ASTN1: variants seen among roughly 807,000 people sequenced by gnomAD.
ASTN1 encodes astrotactin-1.
A neutral mutation model predicts 140.7 loss-of-function variants in ASTN1; 41 were observed. The ratio of observed to expected loss-of-function variants is 0.29; its 90% CI spans 0.23 to 0.38. The LOEUF (loss-of-function observed/expected upper bound fraction) is 0.38, where lower values mean the gene tolerates loss of function less well. Ranked by LOEUF, ASTN1 falls within the 10% of genes least tolerant of loss-of-function variation. ASTN1 has a pLI of 1.00. For synonymous variants in ASTN1, 640 were observed against 652.2 expected (o/e 0.98, Z 0.29); for missense variants, 1,479 against 1,678.8 (o/e 0.88, Z 2.08).
chr1:177,021,266 A>C (rs228022), intron 7 of ASTN1, among the ~76,000 whole-genome samples: 2 of 152,222 alleles, frequency 1.3e-5, no homozygotes, highest in Non-Finnish European at 2.9e-5. Context: ...TCTTTCCAAT[A>C]GGAAATTCAT....
intron 14 of ASTN1, among the ~76,000 whole-genome samples, chr1:176,938,055 A>G (rs1671523012): frequency 6.6e-6 from 1 of 152,238 alleles, no homozygotes; most frequent in African/African-American, 2.4e-5. Flanking sequence ...CTTAAATTTT[A>G]TCTTAGGCAA....
At chr1:176,929,121 T>G (rs1571523843) in intron 16 of ASTN1, among the ~76,000 whole-genome samples, 1 of 151,932 alleles carries the variant, frequency 6.6e-6, no homozygotes, top group Admixed American at 6.6e-5. Context: ...GTACTTGGGG[T>G]AGGTAGCAGT....
At chr1:177,124,312 G>T (rs1475730917) in intron 1 of ASTN1, among the ~76,000 whole-genome samples, 1 of 152,180 alleles carries the variant, frequency 6.6e-6, no homozygotes, top group Non-Finnish European at 1.5e-5. Flanking sequence ...GCATCTGGAA[G>T]ATAATGAAAC....
intron 1 of ASTN1, among the ~76,000 whole-genome samples, chr1:177,148,290 C>A (rs1682810369): frequency 6.6e-6 from 1 of 151,916 alleles, no homozygotes; most frequent in African/African-American, 2.4e-5. Flanking sequence ...TGGTGGCGGG[C>A]ACCTGTAGTC....
Position 176,863,843 on chromosome 1 carries a change from G to A in ASTN1, c.*441C>T, listed in dbSNP as rs997853526. 1.0e-6 allele frequency: 1 copy of A among 997,632 alleles called. No homozygotes were observed. The highest frequency in any genetic ancestry group is 1.7e-5 in the African/African-American group (1 of 57,384). The allele number at this position is 997,632 out of a possible 1,614,324, so 61.8% of individuals were successfully genotyped here. A position where few individuals can be genotyped will look rare whatever the true frequency, so the allele number is the denominator to read the frequency against. On this transcript the variant is annotated 3_prime_UTR_variant, in exon 23 of 23. Transcript: ENST00000361833. ...GCTTCCTGAGGAATGCTTGAGGGTG[G>A]GGCCTGCGGCAGGCCTAACAACTTT...
intron 1 of ASTN1, among the ~76,000 whole-genome samples, chr1:177,162,578 C>T (rs1304386140): frequency 6.6e-6 from 1 of 152,204 alleles, no homozygotes; most frequent in African/African-American, 2.4e-5. Context: ...GCATTAGGCC[C>T]TGGTTTTGGG....
intron 8 of ASTN1, among the ~76,000 whole-genome samples, chr1:176,991,413 C>CAAAAAAAAAAA (rs1200261285): frequency 9.1e-6 from 1 of 109,540 alleles, no homozygotes; most frequent in African/African-American, 3.3e-5. Context: ...AACTCTGTCT[C>CAAAAAAAAAAA]AAAAAAAAAA....
intron 20 of ASTN1, among the ~76,000 whole-genome samples, chr1:176,881,709 G>A (rs541376344): frequency 6.6e-6 from 1 of 152,228 alleles, no homozygotes; most frequent in South Asian, 2.1e-4. Flanking sequence ...ATATACTGTC[G>A]AAATCCTCTA....
At chr1:176,975,431 G>A (rs1397190019) in intron 8 of ASTN1, among the ~76,000 whole-genome samples, 5 of 152,222 alleles carry the variant, frequency 3.3e-5, no homozygotes, top group Non-Finnish European at 5.9e-5. Flanking sequence ...TCCCCATCAT[G>A]GGCATAAAGC....
At chr1:176,926,411 A>C (rs1054520336) in intron 16 of ASTN1, among the ~76,000 whole-genome samples, 1 of 152,166 alleles carries the variant, frequency 6.6e-6, no homozygotes, top group Non-Finnish European at 1.5e-5. Flanking sequence ...GAGAAGACTC[A>C]AATTAAATCC....
intron 14 of ASTN1, among the ~76,000 whole-genome samples, chr1:176,939,219 T>C (rs1671581214): frequency 6.6e-6 from 1 of 152,194 alleles, no homozygotes; most frequent in African/African-American, 2.4e-5. Flanking sequence ...CTCTCTCTCA[T>C]CATACCTAAC....
chr1:176,941,140 T>C (rs1183978291), intron 14 of ASTN1, among the ~76,000 whole-genome samples: 1 of 152,172 alleles, frequency 6.6e-6, no homozygotes, highest in East Asian at 1.9e-4. Flanking sequence ...GTAGATACAG[T>C]GAAATGATAT....
intron 20 of ASTN1, among the ~76,000 whole-genome samples, chr1:176,881,852 T>C (rs1668812933): frequency 1.3e-5 from 2 of 152,238 alleles, no homozygotes; most frequent in South Asian, 2.1e-4. Flanking sequence ...AAATTTCTAG[T>C]GCTTTTCATC....
At chr1:177,115,864 C>A (rs1188070466) in intron 1 of ASTN1, among the ~76,000 whole-genome samples, 4 of 152,074 alleles carry the variant, frequency 2.6e-5, no homozygotes, top group African/African-American at 9.7e-5. Flanking sequence ...TGTATCTACA[C>A]ACGCAACATT....
rs577884505 is a variant in ASTN1, at chr1:176,987,808, A to G, written c.1524-22571T>C. On this transcript the variant is annotated intron_variant, in intron 8 of 22. Transcript: ENST00000361833. ...TGTTATCAAATTTTAAAGGCAATGG[A>G]TTGTCCTAGAGTAAGAATAGCTTTG... Among the ~76,000 whole-genome samples, 526 of 152,298 alleles carry G rather than the reference A, an allele frequency of 3.5e-3. 3 individuals are homozygous for G. Among genetic ancestry groups the G allele is most frequent in the African/African-American group, 0.012 (500 of 41,572 alleles).
intron 2 of ASTN1, among the ~76,000 whole-genome samples, chr1:177,060,304 A>T (rs1678020591): frequency 6.6e-6 from 1 of 152,168 alleles, no homozygotes; most frequent in African/African-American, 2.4e-5. Flanking sequence ...GAGAGGTGCA[A>T]GTGTCTACCC....
At chr1:176,916,389 A>T (rs1024181992) in intron 16 of ASTN1, among the ~76,000 whole-genome samples, 3 of 152,188 alleles carry the variant, frequency 2.0e-5, no homozygotes, top group African/African-American at 7.2e-5. Context: ...AACAAATTGT[A>T]CTGTCAAAAA....
intron 2 of ASTN1, among the ~76,000 whole-genome samples, chr1:177,046,515 T>A (rs1677231619): frequency 6.6e-6 from 1 of 152,184 alleles, no homozygotes; most frequent in South Asian, 2.1e-4. Flanking sequence ...TCCTGGACAT[T>A]CGGGCTCTGG....
intron 1 of ASTN1, among the ~76,000 whole-genome samples, chr1:177,138,797 G>A (rs1438745348): frequency 6.6e-6 from 1 of 152,174 alleles, no homozygotes; most frequent in Non-Finnish European, 1.5e-5. Flanking sequence ...CAGCCTGGGT[G>A]GATCTTATTG....
Sources: gnomAD v4.1 joint callset for allele counts (sites outside exome capture counted in the v4.1 genomes callset) on GRCh38, gnomAD v4.1.1 for gene constraint, MANE v1.5 for transcripts, NCBI Gene and HGNC (gene_info 2026-07-23, HGNC 2026-07-21) for gene names.